GSKIP: variants seen among roughly 807,000 people sequenced by gnomAD.
The protein encoded by GSKIP is GSK3B interacting protein.
GSKIP carries 5 observed loss-of-function variants against 11.9 expected under a neutral mutation model. The observed-to-expected ratio is 0.42, with a 90% CI of 0.22 to 0.89. GSKIP has a LOEUF of 0.89. Among genes scored for constraint, GSKIP ranks in the 40% least tolerant of loss-of-function variants. The pLI is 0.29. For synonymous variants in GSKIP, 70 were observed against 62.9 expected (o/e 1.11, Z -0.54); for missense variants, 150 against 166.6 (o/e 0.90, Z 0.55).
chr14:96,371,606 G>A (rs957069589), intron 1 of GSKIP, among the ~76,000 whole-genome samples: 2 of 152,042 alleles, frequency 1.3e-5, no homozygotes, highest in South Asian at 4.2e-4. Context: ...CACCACACCT[G>A]GCTAATTTTT....
intron 1 of GSKIP, among the ~76,000 whole-genome samples, chr14:96,372,270 A>G (rs141404562): frequency 7.4e-4 from 113 of 152,348 alleles, no homozygotes; most frequent in African/African-American, 2.4e-3. Context: ...GAAATATTCA[A>G]TGAAGTCCTG....
chr14:96,384,055 A>T lies in GSKIP; in HGVS notation c.259-1468A>T, dbSNP rs952908623. On this transcript the variant is annotated intron_variant, in intron 3 of 3. Transcript: ENST00000555181. ...TTCTTAATCTATAACTTGGAGATTT[A>T]AAAAAAACTTAAAACGATTTGGGGA... Among the ~76,000 whole-genome samples the T allele has an allele frequency of 2.0e-5, 3 of 152,026 alleles. No individual in the cohort carries two copies. The East Asian group carries it at 5.8e-4, about 29-fold the overall frequency.
Position 96,385,756 on chromosome 14 carries a change from T to TG in GSKIP, c.*74dup. The TG allele has an allele frequency of 4.8e-6, 6 of 1,242,462 alleles. No individual in the cohort carries two copies. The highest frequency in any genetic ancestry group is 4.6e-5 in the African/African-American group (3 of 65,612). 77.0% of individuals were successfully genotyped at this position (1,242,462 alleles called of 1,614,324 possible). On this transcript the variant is annotated 3_prime_UTR_variant, in exon 4 of 4. Coordinates refer to ENST00000555181, the MANE Select transcript of GSKIP (RefSeq NM_016472.5). ...ATATAAAGCTTAAAATTCTTGCATA[T>TG]GGTCATAGAAAATGCATCTTTGGTT...
At chr14:96,372,993 G>GAAAATACATATCACTGTTA (rs1424144669) in intron 1 of GSKIP, among the ~76,000 whole-genome samples, 108 of 152,288 alleles carry the variant, frequency 7.1e-4, no homozygotes, top group African/African-American at 2.6e-3. Context: ...CACTTGGGAG[G>GAAAATACATATCACTGTTA]CTGAGGTGGG....
chr14:96,380,290 T>C (rs929366397), intron 2 of GSKIP: 2 of 152,242 alleles, frequency 1.3e-5, no homozygotes, highest in African/African-American at 4.8e-5. Flanking sequence ...ATACATTTGC[T>C]ATGTAAGTTT....
At chr14:96,365,831 C>T (rs1162895660) in intron 1 of GSKIP, among the ~76,000 whole-genome samples, 1 of 151,780 alleles carries the variant, frequency 6.6e-6, no homozygotes, top group Non-Finnish European at 1.5e-5. Flanking sequence ...GAGACTCTAT[C>T]TTAAAAAAAT....
At position 96,382,229 on chromosome 14, in the gene GSKIP, T is replaced by C. The variant is rs1258996284; in HGVS notation, c.-1-18T>C. 3 of 173,316 alleles carry C rather than the reference T, an allele frequency of 1.7e-5. No homozygotes were observed. The highest frequency in any genetic ancestry group is 3.2e-5 in the Non-Finnish European group (3 of 94,286). 10.7% of individuals were successfully genotyped at this position (173,316 alleles called of 1,614,324 possible). On this transcript the variant is annotated intron_variant, in intron 2 of 3. Coordinates refer to ENST00000555181, the MANE Select transcript of GSKIP (RefSeq NM_016472.5). ...TTCTATAAACAAATTTTATAACTGC[T>C]TTTTTTTTTTTTTACAGAATGGAAA...
chr14:96,377,809 T>C (rs1889242155), intron 1 of GSKIP, among the ~76,000 whole-genome samples: 1 of 152,176 alleles, frequency 6.6e-6, no homozygotes, highest in Non-Finnish European at 1.5e-5. Context: ...CATCCGGAAG[T>C]AGTTGGACAA....
Position 96,385,592 on chromosome 14 carries a change from T to G in GSKIP, c.328T>G (p.Leu110Val). Reference protein sequence around the residue: ...QTPYHETVYSLLDTLSPAYRE... With the variant: ...QTPYHETVYSVLDTLSPAYRE... ...TCCCTACCATGAAACAGTCTACTCC[T>G]TGTTGGATACACTCAGCCCCGCCTA... Residue 110 changes from leucine to valine, a missense_variant, in exon 4 of 4, where the codon TTG becomes GTG. Physicochemically the swap from Leu to Val is conservative, Grantham distance 32. Coordinates refer to ENST00000555181, the MANE Select transcript of GSKIP (RefSeq NM_016472.5). The G allele has an allele frequency of 6.2e-7, 1 of 1,613,320 alleles. No individual in the cohort carries two copies. The highest frequency in any genetic ancestry group is 8.5e-7 in the Non-Finnish European group (1 of 1,179,402).
intron 1 of GSKIP, among the ~76,000 whole-genome samples, chr14:96,373,881 C>T (rs554561263): frequency 1.3e-5 from 2 of 152,120 alleles, no homozygotes; most frequent in African/African-American, 2.4e-5. Context: ...TCTCACCATG[C>T]GTCTAACCAA....
In GSKIP at chr14:96,382,334, C is replaced by T; in HGVS notation, c.87C>T (p.Asp29=). The T allele has an allele frequency of 6.2e-7, 1 of 1,613,206 alleles. No individual in the cohort carries two copies. Among genetic ancestry groups the T allele is most frequent in the Non-Finnish European group, 8.5e-7 (1 of 1,179,664 alleles). Reference sequence around the variant, plus strand: ...AGCTGAACGGTTTTGAAGGAACTGACATGAAAGACATGAGGCTCGAAGCTG... The same window carrying T: ...AGCTGAACGGTTTTGAAGGAACTGATATGAAAGACATGAGGCTCGAAGCTG... ...GSELNGFEGT[D]MKDMRLEAEA... is the part of the protein sequence containing the mutation. The change falls in exon 3 of 4, where the codon GAC becomes GAT. Residue 29 remains aspartate (D), a synonymous_variant. Transcript: ENST00000555181.
rs538283790 is a variant in GSKIP at position 96,386,796 on chromosome 14, T to C, written c.*1112T>C. ...ACTGATATTTATAAATTTAATAAACTGTACCATGCTGCTGCATGTTTTCAA... is the reference window on the plus strand; with the variant it reads ...ACTGATATTTATAAATTTAATAAACCGTACCATGCTGCTGCATGTTTTCAA... On this transcript the variant is annotated 3_prime_UTR_variant, in exon 4 of 4. Transcript: ENST00000555181. 3.9e-5 allele frequency: 6 copies of C among 152,796 alleles called. No individual in the cohort carries two copies. In the South Asian group the frequency reaches 1.0e-3, roughly 26 times the overall value. 9.5% of individuals were successfully genotyped at this position (152,796 alleles called of 1,614,324 possible). A position where few individuals can be genotyped will look rare whatever the true frequency, so the allele number is the denominator to read the frequency against.
chr14:96,371,660 T>TGGTC (rs1190040361), intron 1 of GSKIP, among the ~76,000 whole-genome samples: 1 of 152,154 alleles, frequency 6.6e-6, no homozygotes, highest in African/African-American at 2.4e-5. Flanking sequence ...TTGGCCAGAC[T>TGGTC]GGTCACAAAC....
At position 96,382,414 on chromosome 14, in the gene GSKIP, G is replaced by C; in HGVS notation, c.167G>C (p.Ser56Thr). The C allele has an allele frequency of 1.2e-6, 2 of 1,613,884 alleles. No homozygotes were observed. The highest frequency in any genetic ancestry group is 1.7e-6 in the Non-Finnish European group (2 of 1,179,814). ...FAVNNMFVSK[S>T]LRCADDVAYI... Reference sequence around the variant, plus strand: ...GTTAACAACATGTTTGTCTCGAAAAGCCTGCGGTGTGCGGATGATGTGGCC... The same window carrying C: ...GTTAACAACATGTTTGTCTCGAAAACCCTGCGGTGTGCGGATGATGTGGCC... The change falls in exon 3 of 4, where the codon AGC (serine) becomes ACC (threonine). Residue 56 changes from serine to threonine, a missense_variant. By Grantham distance (58) the Ser-to-Thr change is moderately conservative (BLOSUM62 1). Transcript: ENST00000555181.
intron 1 of GSKIP, among the ~76,000 whole-genome samples, chr14:96,372,470 G>T (rs1830999384): frequency 6.6e-6 from 1 of 152,218 alleles, no homozygotes; most frequent in Admixed American, 6.5e-5. Context: ...AAATAGGTTT[G>T]TCTGAGCTGA....
intron 1 of GSKIP, among the ~76,000 whole-genome samples, chr14:96,372,752 C>G (rs1193962463): frequency 6.6e-6 from 1 of 152,136 alleles, no homozygotes; most frequent in African/African-American, 2.4e-5. Flanking sequence ...GATGGTCTCC[C>G]TGAATTGAGG....
At chr14:96,373,254 AAAG>A in intron 1 of GSKIP, among the ~76,000 whole-genome samples, 3 of 135,266 alleles carry the variant, frequency 2.2e-5, no homozygotes, top group Non-Finnish European at 4.6e-5. Flanking sequence ...AAAAAAAAAG[AAAG>A]GAGGATACTC....
chr14:96,383,603 C>CATGATATCAAGTACATAA (rs1165302583), intron 3 of GSKIP, among the ~76,000 whole-genome samples: 1 of 152,164 alleles, frequency 6.6e-6, no homozygotes, highest in Non-Finnish European at 1.5e-5. Context: ...GTAAGAATGT[C>CATGATATCAAGTACATAA]ACATGATATC....
intron 1 of GSKIP, among the ~76,000 whole-genome samples, chr14:96,378,222 C>T (rs1010474942): frequency 6.6e-6 from 1 of 152,122 alleles, no homozygotes; most frequent in South Asian, 2.1e-4. Flanking sequence ...GACCTGATGG[C>T]ACCCACCTGC....
Sources: gnomAD v4.1 joint callset for allele counts (sites outside exome capture counted in the v4.1 genomes callset) on GRCh38, gnomAD v4.1.1 for gene constraint, MANE v1.5 for transcripts, NCBI Gene and HGNC (gene_info 2026-07-23, HGNC 2026-07-21) for gene names.